Variants in ABCA12 observed in about 807,000 individuals in gnomAD.
ABCA12 encodes ATP binding cassette subfamily A member 12.
A neutral mutation model predicts 293.5 loss-of-function variants in ABCA12; 156 were observed. That is an observed-to-expected ratio of 0.53 (90% CI 0.47 to 0.61). The LOEUF (loss-of-function observed/expected upper bound fraction) is 0.61. Ranked by LOEUF, ABCA12 falls within the 20% of genes least tolerant of loss-of-function variation. The pLI is 0.00. For missense variants in ABCA12, 2,797 were observed against 3,090.2 expected, an observed-to-expected ratio of 0.91 and a Z score of 2.25; for synonymous variants, 1,063 against 1,108.0, an observed-to-expected ratio of 0.96 and a Z score of 0.81.
At chr2:215,094,112 C>T (rs994468715) in intron 2 of ABCA12, among the ~76,000 whole-genome samples, 19 of 152,208 alleles carry the variant, frequency 1.2e-4, no homozygotes, top group Non-Finnish European at 2.2e-4. Flanking sequence ...AGAAGGACTG[C>T]GTGTCAATAT....
At chr2:215,035,608 T>C (rs1352033163) in intron 8 of ABCA12, among the ~76,000 whole-genome samples, 1 of 139,372 alleles carries the variant, frequency 7.2e-6, no homozygotes, top group African/African-American at 2.7e-5. Flanking sequence ...GAGGTTACGG[T>C]GAGCCGAGAT....
In ABCA12 at chr2:215,102,578, G is replaced by A. The variant is rs974731077; in HGVS notation, c.163+9019C>T. Among the ~76,000 whole-genome samples, 5 of 152,146 alleles carry A rather than the reference G, an allele frequency of 3.3e-5. No individual in the cohort carries two copies. In the East Asian group the frequency reaches 5.8e-4, roughly 18 times the overall value. Reference sequence around the variant, plus strand: ...TGCACCACTGCATTCCAGTCTGGGCGATAGAGCAAGACCCTGTCTCAAAAA... The same window carrying A: ...TGCACCACTGCATTCCAGTCTGGGCAATAGAGCAAGACCCTGTCTCAAAAA... On this transcript the variant is annotated intron_variant, in intron 2 of 52. Coordinates refer to ENST00000272895, the MANE Select transcript of ABCA12 (RefSeq NM_173076.3).
intron 6 of ABCA12, among the ~76,000 whole-genome samples, chr2:215,048,303 A>G (rs1038381788): frequency 6.6e-6 from 1 of 152,150 alleles, no homozygotes; most frequent in Non-Finnish European, 1.5e-5. Context: ...CAACCCAGTA[A>G]TCCCATTACT....
At chr2:214,947,279 C>T (rs542243710) in intron 48 of ABCA12, 143 bp downstream of exon 48, 44 of 1,130,932 alleles carry the variant, frequency 3.9e-5, no homozygotes, top group Middle Eastern at 2.9e-4. Context: ...AGATAGTATA[C>T]ATAAAGTGCT....
chr2:214,957,248 A>G (rs1227095286), intron 41 of ABCA12, among the ~76,000 whole-genome samples: 1 of 152,228 alleles, frequency 6.6e-6, no homozygotes, highest in East Asian at 1.9e-4. Flanking sequence ...ATATCCTCAT[A>G]ATCACAGGTA....
intron 15 of ABCA12, 81 bp from the exon 16 acceptor site, chr2:215,012,216 T>C: frequency 7.6e-7 from 1 of 1,315,706 alleles, no homozygotes; most frequent in Non-Finnish European, 1.1e-6. Flanking sequence ...TGTAGAAAGG[T>C]ACAGCCACTT....
chr2:214,989,261 ATAT>A, intron 26 of ABCA12, 65 bp downstream of exon 26: 1 of 1,463,966 alleles, frequency 6.8e-7, no homozygotes, highest in Non-Finnish European at 9.2e-7. Context: ...ATATTAGAAC[ATAT>A]TATTAGTTGA....
At chr2:215,003,730 T>C (rs1700192695) in intron 20 of ABCA12, among the ~76,000 whole-genome samples, 1 of 151,818 alleles carries the variant, frequency 6.6e-6, no homozygotes, top group Non-Finnish European at 1.5e-5. Flanking sequence ...TGCAGTGGCA[T>C]GATCTTGGCT....
intron 23 of ABCA12, among the ~76,000 whole-genome samples, chr2:214,997,146 C>A (rs1361210591): frequency 2.6e-5 from 4 of 152,074 alleles, no homozygotes; most frequent in Non-Finnish European, 5.9e-5. Flanking sequence ...GGTTACTAAC[C>A]CAATCAGTAG....
chr2:215,118,789 T>C (rs1253501635), intron 1 of ABCA12, among the ~76,000 whole-genome samples: 1 of 152,214 alleles, frequency 6.6e-6, no homozygotes, highest in Non-Finnish European at 1.5e-5. Flanking sequence ...TATATGTTTG[T>C]TGGCCTCTTG....
chr2:215,018,135 G>T lies in ABCA12; in HGVS notation c.1658-3C>A. On this transcript the variant is annotated splice_polypyrimidine_tract_variant and splice_region_variant and intron_variant, in intron 13 of 52. Transcript: ENST00000272895. ...TTTAAACATTTCTAGTAACTGACCT[G>T]CAAGAAGAAAAATGTAAAAAGAAAA... 2 of 1,611,346 alleles carry T rather than the reference G, an allele frequency of 1.2e-6. No homozygotes were observed. The highest frequency in any genetic ancestry group is 2.2e-5 in the South Asian group (2 of 90,836).
At chr2:214,954,147 T>A (rs773004368) in intron 43 of ABCA12, 40 bp from the exon 44 acceptor site, 1 of 1,606,138 alleles carries the variant, frequency 6.2e-7, no homozygotes, top group Non-Finnish European at 8.5e-7. Flanking sequence ...AGTGTTAAGT[T>A]TCCAAAAAGC....
At chr2:215,017,575 T>A (rs1700531737) in intron 14 of ABCA12, 1 of 164,380 alleles carries the variant, frequency 6.1e-6, no homozygotes, top group Admixed American at 5.8e-5. Context: ...GAAGTTTGAC[T>A]TTGATAGCAT....
intron 7 of ABCA12, among the ~76,000 whole-genome samples, chr2:215,039,282 T>G (rs1195171564): frequency 1.3e-5 from 2 of 152,232 alleles, no homozygotes; most frequent in African/African-American, 2.4e-5. Context: ...CATTTGTCTC[T>G]ATTACTTGTT....
intron 2 of ABCA12, among the ~76,000 whole-genome samples, chr2:215,094,902 A>G (rs960305624): frequency 1.3e-5 from 2 of 152,046 alleles, no homozygotes; most frequent in East Asian, 3.9e-4. Context: ...TTCACTTTAC[A>G]GTTCCAGTTT....
intron 2 of ABCA12, among the ~76,000 whole-genome samples, chr2:215,107,437 C>T (rs1226218494): frequency 6.6e-6 from 1 of 152,148 alleles, no homozygotes; most frequent in Non-Finnish European, 1.5e-5. Context: ...TCATTTCTTC[C>T]CTGTTTGAAT....
chr2:214,975,898 G>C lies in ABCA12; in HGVS notation c.5268C>G (p.Val1756=). Residue 1756 remains valine (V), a synonymous_variant, in exon 34 of 53, where the codon GTC becomes GTG. Coordinates refer to ENST00000272895, the MANE Select transcript of ABCA12 (RefSeq NM_173076.3). ...GLIAQVILPI[V]FVTTAMGLGT... ...CAAGGCCCATGGCAGTGGTAACAAA[G>C]ACGATGGGGAGGATAACCTGAGCAA... 1 of 1,614,128 alleles carries C rather than the reference G, an allele frequency of 6.2e-7. No homozygotes were observed. Among genetic ancestry groups the C allele is most frequent in the African/African-American group, 1.3e-5 (1 of 75,038 alleles).
chr2:215,099,561 CG>C (rs1702311926), intron 2 of ABCA12, among the ~76,000 whole-genome samples: 1 of 152,016 alleles, frequency 6.6e-6, no homozygotes, highest in Admixed American at 6.6e-5. Context: ...GGCACGGTGG[CG>C]TATGCCTGTA....
Position 214,951,099 on chromosome 2 carries a change from G to C in ABCA12, c.6648-16C>G, listed in dbSNP as rs768122731. ...GAAGAAAAGCCTAAAAATGGACCCA[G>C]TGATTTTACGTCAATGATTTTGAAA... On this transcript the variant is annotated splice_polypyrimidine_tract_variant and intron_variant, in intron 44 of 52. Transcript: ENST00000272895. 1.2e-5 allele frequency: 19 copies of C among 1,602,078 alleles called. No individual in the cohort carries two copies. Among genetic ancestry groups the C allele is most frequent in the Non-Finnish European group, 1.6e-5 (19 of 1,169,980 alleles).
Sources: gnomAD v4.1 joint callset for allele counts (sites outside exome capture counted in the v4.1 genomes callset) on GRCh38, gnomAD v4.1.1 for gene constraint, MANE v1.5 for transcripts, NCBI Gene and HGNC (gene_info 2026-07-23, HGNC 2026-07-21) for gene names.